AFF3: variants seen among roughly 807,000 people sequenced by gnomAD.
AFF3 encodes AF4/FMR2 family member 3.
Under a neutral mutation model 129.7 loss-of-function variants are expected in AFF3, and 32 were observed. The observed-to-expected ratio is 0.25, with a 90% CI of 0.19 to 0.33. AFF3 has a LOEUF of 0.33. AFF3 is among the 10% of genes least tolerant of loss of function. AFF3 has a pLI of 1.00. For synonymous variants in AFF3, 644 were observed against 635.4 expected, an observed-to-expected ratio of 1.01 and a Z score of -0.20; for missense variants, 1,373 against 1,592.0, an observed-to-expected ratio of 0.86 and a Z score of 2.34.
intron 4 of AFF3, among the ~76,000 whole-genome samples, chr2:100,023,138 A>T (rs1050252049): frequency 1.3e-5 from 2 of 152,184 alleles, no homozygotes; most frequent in African/African-American, 2.4e-5. Context: ...TAAGCACTCA[A>T]TTACCATTTG....
intron 8 of AFF3, among the ~76,000 whole-genome samples, chr2:99,777,378 T>C (rs1317169405): frequency 6.6e-6 from 1 of 152,138 alleles, no homozygotes; most frequent in Admixed American, 6.5e-5. Context: ...TTTAAGCCAG[T>C]TGATACCACA....
At chr2:100,024,636 T>A (rs972810177) in intron 4 of AFF3, among the ~76,000 whole-genome samples, 1 of 151,558 alleles carries the variant, frequency 6.6e-6, no homozygotes, top group Middle Eastern at 3.2e-3. Context: ...TTATTATTAT[T>A]ATAAAACAAA....
chr2:100,054,974 A>G (rs1414485023), intron 4 of AFF3, among the ~76,000 whole-genome samples: 1 of 152,216 alleles, frequency 6.6e-6, no homozygotes, highest in Non-Finnish European at 1.5e-5. Context: ...GAGCAGATAC[A>G]GTAGAAATTT....
intron 10 of AFF3, among the ~76,000 whole-genome samples, chr2:99,736,821 G>A (rs1381129142): frequency 2.0e-5 from 3 of 151,752 alleles, no homozygotes; most frequent in African/African-American, 7.3e-5. Context: ...TGTTGGCCAG[G>A]CTTGTCTCGA....
intron 7 of AFF3, among the ~76,000 whole-genome samples, chr2:99,984,290 T>C (rs1679662211): frequency 6.6e-6 from 1 of 152,226 alleles, no homozygotes; most frequent in Non-Finnish European, 1.5e-5. Flanking sequence ...TTGACTTCTC[T>C]ACAGGAAAGG....
chr2:100,062,624 G>C (rs185453938), intron 4 of AFF3, among the ~76,000 whole-genome samples: 1 of 152,104 alleles, frequency 6.6e-6, no homozygotes, highest in African/African-American at 2.4e-5. Context: ...GAAGGCAATG[G>C]AATTGTCTCA....
intron 7 of AFF3, among the ~76,000 whole-genome samples, chr2:99,918,085 A>G (rs1213246788): frequency 1.3e-5 from 2 of 152,150 alleles, no homozygotes; most frequent in Admixed American, 1.3e-4. Flanking sequence ...GGAATAAATA[A>G]TTCACTATTC....
At chr2:99,556,380 TAGGGTGAGCCA>T (rs1335962231) in intron 22 of AFF3, among the ~76,000 whole-genome samples, 1 of 151,860 alleles carries the variant, frequency 6.6e-6, no homozygotes, top group Non-Finnish European at 1.5e-5. Flanking sequence ...AGGTGGAGGT[TAGGGTGAGCCA>T]AGATTGTGCC....
At chr2:99,949,097 A>G (rs949903014) in intron 7 of AFF3, among the ~76,000 whole-genome samples, 2 of 152,186 alleles carry the variant, frequency 1.3e-5, no homozygotes, top group Non-Finnish European at 2.9e-5. Flanking sequence ...TAGCTCTGCC[A>G]CTTTCAAGGG....
At chr2:99,648,917 A>ACACACTCT in intron 13 of AFF3, among the ~76,000 whole-genome samples, 37 of 46,934 alleles carry the variant, frequency 7.9e-4, no homozygotes, top group African/African-American at 2.3e-3. Context: ...ACACACACAC[A>ACACACTCT]CTCTCTCTCT....
intron 7 of AFF3, among the ~76,000 whole-genome samples, chr2:99,956,685 T>C (rs973443472): frequency 6.6e-6 from 1 of 152,136 alleles, no homozygotes; most frequent in Non-Finnish European, 1.5e-5. Flanking sequence ...TCCAGAGACA[T>C]GTGTGTTCAT....
At chr2:100,092,326 G>A (rs1689925977) in intron 4 of AFF3, among the ~76,000 whole-genome samples, 1 of 151,720 alleles carries the variant, frequency 6.6e-6, no homozygotes, top group Non-Finnish European at 1.5e-5. Flanking sequence ...GCCCCCAACA[G>A]CTCTCTACTC....
intron 11 of AFF3, among the ~76,000 whole-genome samples, chr2:99,698,321 T>A (rs1676504674): frequency 6.6e-6 from 1 of 152,250 alleles, no homozygotes; most frequent in African/African-American, 2.4e-5. Flanking sequence ...AGCTGGTATC[T>A]GCAGAGTGCT....
chr2:100,008,954 A>T (rs1330695317), intron 4 of AFF3, 22 bp from the exon 5 acceptor site: 2 of 1,612,750 alleles, frequency 1.2e-6, no homozygotes, highest in South Asian at 2.2e-5. Context: ...AAAAGAAGAG[A>T]GAACAACCAC....
At chr2:99,660,458 A>G (rs1393179644) in intron 12 of AFF3, among the ~76,000 whole-genome samples, 1 of 152,244 alleles carries the variant, frequency 6.6e-6, no homozygotes, top group Admixed American at 6.5e-5. Context: ...CACTTTGCAA[A>G]CCAATTATAC....
At chr2:99,720,743 C>T (rs1259726005) in intron 11 of AFF3, among the ~76,000 whole-genome samples, 1 of 152,094 alleles carries the variant, frequency 6.6e-6, no homozygotes, top group African/African-American at 2.4e-5. Context: ...TTATGTTAAT[C>T]TATTTTTTAG....
chr2:99,956,482 G>C (rs1178931839), intron 7 of AFF3, among the ~76,000 whole-genome samples: 1 of 152,166 alleles, frequency 6.6e-6, no homozygotes, highest in African/African-American at 2.4e-5. Flanking sequence ...TTAAGCATAA[G>C]CTGACTGACA....
chr2:100,129,965 G>T (rs1012108802), intron 1 of AFF3, among the ~76,000 whole-genome samples: 4 of 152,168 alleles, frequency 2.6e-5, no homozygotes, highest in Non-Finnish European at 4.4e-5. Context: ...AACACTCAAT[G>T]AAGCCTTTAC....
chr2:99,930,860 T>C (rs1696624524), intron 7 of AFF3, among the ~76,000 whole-genome samples: 1 of 152,252 alleles, frequency 6.6e-6, no homozygotes, highest in African/African-American at 2.4e-5. Flanking sequence ...GTTCCATTTC[T>C]ATGAGGCTCT....
Sources: gnomAD v4.1 joint callset for allele counts (sites outside exome capture counted in the v4.1 genomes callset) on GRCh38, gnomAD v4.1.1 for gene constraint, MANE v1.5 for transcripts, NCBI Gene and HGNC (gene_info 2026-07-23, HGNC 2026-07-21) for gene names.